The following FHL2 variants were observed in gnomAD, a reference collection of about 807,000 sequenced individuals.
FHL2 encodes the protein four and a half LIM domains 2, also known as four and a half LIM domains protein 2.
FHL2 carries 20 observed loss-of-function variants against 32.7 expected under a neutral mutation model. The ratio of observed to expected loss-of-function variants is 0.61; its 90% CI spans 0.43 to 0.89. The LOEUF (loss-of-function observed/expected upper bound fraction) is 0.89. FHL2 is among the 40% of genes least tolerant of loss of function. The probability of loss-of-function intolerance (pLI) is 0.00; values close to 1 mark genes in which losing one functional copy is unlikely to be tolerated. For missense variants in FHL2, 311 were observed against 358.6 expected, an observed-to-expected ratio of 0.87 and a Z score of 1.07; for synonymous variants, 123 against 128.1, an observed-to-expected ratio of 0.96 and a Z score of 0.27.
chr2:105,408,627 GGC>G (rs1051803888), intron 1 of FHL2, among the ~76,000 whole-genome samples: 91 of 152,338 alleles, frequency 6.0e-4, no homozygotes, highest in African/African-American at 2.0e-3. Context: ...AGCAGCTCCT[GGC>G]TGGAGCAGAA....
intron 1 of FHL2, among the ~76,000 whole-genome samples, chr2:105,431,697 G>T (rs58881466): frequency 7.2e-5 from 11 of 152,336 alleles, no homozygotes; most frequent in Admixed American, 7.2e-4. Flanking sequence ...CCATTGGAAC[G>T]TTTGGGAAAA....
intron 1 of FHL2, among the ~76,000 whole-genome samples, chr2:105,404,965 C>T (rs776431062): frequency 6.6e-6 from 1 of 152,160 alleles, no homozygotes; most frequent in Non-Finnish European, 1.5e-5. Flanking sequence ...TTTGGAGCGT[C>T]GGATACAGTT....
In FHL2 at chr2:105,408,785, G is replaced by C. The variant is rs150924245; in HGVS notation, c.-24-22245C>G. ...TATTTATTAGCATATTTTGACTGCTGATAGGGTGACATTTTTGGTATAGGA... is the reference window on the plus strand; with the variant it reads ...TATTTATTAGCATATTTTGACTGCTCATAGGGTGACATTTTTGGTATAGGA... On this transcript the variant is annotated intron_variant, in intron 1 of 5. Transcript: ENST00000393352. Among the ~76,000 whole-genome samples the C allele has an allele frequency of 2.7e-3, 409 of 152,302 alleles. 3 individuals are homozygous for C. The highest frequency in any genetic ancestry group is 9.5e-3 in the African/African-American group (396 of 41,558).
chr2:105,380,254 G>A (rs1486966452), intron 3 of FHL2, among the ~76,000 whole-genome samples: 1 of 152,160 alleles, frequency 6.6e-6, no homozygotes, highest in East Asian at 1.9e-4. Flanking sequence ...GCCACCAAAA[G>A]GCCTAGAAGC....
At chr2:105,383,374 G>T (rs921068805) in intron 3 of FHL2, among the ~76,000 whole-genome samples, 2 of 152,168 alleles carry the variant, frequency 1.3e-5, no homozygotes, top group African/African-American at 4.8e-5. Context: ...TATTACACTG[G>T]CCATACAAAT....
At chr2:105,409,155 A>G (rs1365716481) in intron 1 of FHL2, among the ~76,000 whole-genome samples, 2 of 152,254 alleles carry the variant, frequency 1.3e-5, no homozygotes, top group African/African-American at 2.4e-5. Flanking sequence ...CAGTGAGAAC[A>G]AAAGGAGACC....
In FHL2 at chr2:105,430,820, C is replaced by G. The variant is rs540696458; in HGVS notation, c.-25+7579G>C. ...CCCTGTGTCTGGGAGAAAAGACTGC[C>G]CCATACAGAGGCCAAGATGAATCAG... On this transcript the variant is annotated intron_variant, in intron 1 of 5. Transcript: ENST00000393352. 7.2e-5 allele frequency among the ~76,000 whole-genome samples: 11 copies of G among 152,292 alleles called. No individual in the cohort carries two copies. In the South Asian group the frequency reaches 2.3e-3, roughly 32 times the overall value.
rs1681250009 is a variant in FHL2 at position 105,373,612 on chromosome 2, TA to T, written c.277del (p.Tyr93IlefsTer118). 2 of 1,614,108 alleles carry T rather than the reference TA, an allele frequency of 1.2e-6. No individual in the cohort carries two copies. The highest frequency in any genetic ancestry group is 1.7e-6 in the Non-Finnish European group (2 of 1,180,036). ...KEDQLLCTDC[Y>X]SNEYSSKCQE... is the part of the protein sequence containing the mutation. ...GCACTTGGATGAGTACTCGTTGGAA[TA>T]GCAGTCTGTACAGAGCAGCTGGTCC... On this transcript the variant is annotated frameshift_variant, in exon 4 of 7. Coordinates refer to ENST00000530340, the MANE Select transcript of FHL2 (RefSeq NM_001318895.3). LOFTEE classifies it high-confidence loss of function.
chr2:105,369,258 ACAGGTGG>A (rs1225841489), intron 4 of FHL2, among the ~76,000 whole-genome samples: 1 of 152,246 alleles, frequency 6.6e-6, no homozygotes, highest in Non-Finnish European at 1.5e-5. Flanking sequence ...CTGCAGTAAC[ACAGGTGG>A]CTTATAGGAG....
intron 4 of FHL2, among the ~76,000 whole-genome samples, chr2:105,372,297 C>T (rs1681136364): frequency 6.6e-6 from 1 of 152,062 alleles, no homozygotes; most frequent in African/African-American, 2.4e-5. Flanking sequence ...GTGATCTCAG[C>T]TCACTGCAAG....
At chr2:105,399,867 G>GTA (rs996101193), upstream of FHL2, among the ~76,000 whole-genome samples, 3 of 152,214 alleles carry the variant, frequency 2.0e-5, no homozygotes, top group African/African-American at 4.8e-5. Context: ...TGGACGATGA[G>GTA]TAGGTGGACC....
chr2:105,383,552 C>T (rs1473319621), intron 3 of FHL2, among the ~76,000 whole-genome samples: 3 of 152,274 alleles, frequency 2.0e-5, no homozygotes, highest in Non-Finnish European at 4.4e-5. Flanking sequence ...TAGCCTAATT[C>T]CCATAGGCAT....
chr2:105,431,266 G>A (rs1304860936), intron 1 of FHL2, among the ~76,000 whole-genome samples: 2 of 152,200 alleles, frequency 1.3e-5, no homozygotes, highest in Non-Finnish European at 2.9e-5. Flanking sequence ...GCATATCTCA[G>A]TGAACAAAAT....
chr2:105,374,712 CT>C (rs1414122516), intron 3 of FHL2, among the ~76,000 whole-genome samples: 2 of 152,186 alleles, frequency 1.3e-5, no homozygotes, highest in Non-Finnish European at 2.9e-5. Context: ...CCATATTTGC[CT>C]TTTAAAAATG....
At chr2:105,381,927 G>A (rs1419040798) in intron 3 of FHL2, among the ~76,000 whole-genome samples, 1 of 152,094 alleles carries the variant, frequency 6.6e-6, no homozygotes, top group African/African-American at 2.4e-5. Context: ...GTGTTACACC[G>A]AGGACAGAAG....
At chr2:105,361,566 C>T in intron 6 of FHL2, 132 bp from the exon 7 acceptor site, 1 of 730,890 alleles carries the variant, frequency 1.4e-6, no homozygotes, top group South Asian at 1.9e-5. Flanking sequence ...TTTCTAGTGA[C>T]TGGGTGTTGG....
At chr2:105,427,647 T>C (rs544722911) in intron 1 of FHL2, among the ~76,000 whole-genome samples, 1 of 152,316 alleles carries the variant, frequency 6.6e-6, no homozygotes, top group South Asian at 2.1e-4. Context: ...AGAAACTTTA[T>C]TCAGCATTTC....
Position 105,404,327 on chromosome 2 carries a change from GGTGA to G in FHL2, c.-24-17791_-24-17788del, listed in dbSNP as rs541493150. Reference sequence around the variant, plus strand: ...TCTTAATTGCCTCACATGGTTGGAAGGTGAGTAAGTGTCTAAGATCATAAATGCT... The same window carrying G: ...TCTTAATTGCCTCACATGGTTGGAAGGTAAGTGTCTAAGATCATAAATGCT... On this transcript the variant is annotated intron_variant, in intron 1 of 5. Coordinates refer to the FHL2 transcript ENST00000393352. Among the ~76,000 whole-genome samples the G allele has an allele frequency of 1.2e-4, 18 of 152,334 alleles. No homozygotes were observed. In the East Asian group the frequency reaches 3.1e-3, roughly 26 times the overall value.
At chr2:105,364,349 A>G (rs1381552854) in intron 5 of FHL2, among the ~76,000 whole-genome samples, 1 of 152,224 alleles carries the variant, frequency 6.6e-6, no homozygotes, top group African/African-American at 2.4e-5. Flanking sequence ...CTTACGGTGA[A>G]AGAAGGAAGA....
Sources: allele counts gnomAD v4.1 joint callset (sites outside exome capture counted in the v4.1 genomes callset), GRCh38; gene constraint gnomAD v4.1.1; transcripts MANE v1.5; gene names NCBI Gene and HGNC (gene_info 2026-07-23, HGNC 2026-07-21).